Variants in STARD3 observed in about 807,000 individuals in gnomAD.
STARD3 encodes the protein StAR related lipid transfer domain containing 3.
In STARD3, 39 loss-of-function variants were observed where a neutral mutation model predicts 62.0. The observed-to-expected ratio is 0.63, with a 90% confidence interval of 0.49 to 0.82. STARD3 has a LOEUF of 0.82. Among genes scored for constraint, STARD3 ranks in the 40% least tolerant of loss-of-function variants. STARD3 has a pLI of 0.00. For missense variants in STARD3, 543 were observed against 584.5 expected (o/e 0.93, Z 0.73); for synonymous variants, 229 against 242.4 (o/e 0.94, Z 0.51).
chr17:39,649,248 C>G (rs1450635832), intron 1 of STARD3, among the ~76,000 whole-genome samples: 1 of 152,208 alleles, frequency 6.6e-6, no homozygotes, highest in African/African-American at 2.4e-5. Flanking sequence ...CAATACCTCA[C>G]AAAACCACAT....
At chr17:39,648,970 G>C (rs1001285094) in intron 1 of STARD3, among the ~76,000 whole-genome samples, 1 of 152,162 alleles carries the variant, frequency 6.6e-6, no homozygotes, top group African/African-American at 2.4e-5. Flanking sequence ...TGGAGTAGGC[G>C]AGCGACAGCA....
intron 8 of STARD3, 60 bp downstream of exon 8, chr17:39,659,166 T>C (rs887906535): frequency 5.6e-6 from 9 of 1,607,446 alleles, no homozygotes; most frequent in Non-Finnish European, 7.7e-6. Flanking sequence ...GGAGGGCGGG[T>C]GCAGGGGTCA....
chr17:39,645,743 CCACTG>C (rs2057020219), intron 1 of STARD3, among the ~76,000 whole-genome samples: 1 of 149,924 alleles, frequency 6.7e-6, no homozygotes, highest in East Asian at 2.0e-4. Context: ...AAGGGCTGAG[CCACTG>C]CTCCTAGCCC....
Position 39,663,352 on chromosome 17 carries a change from G to C in STARD3, c.*444G>C. On this transcript the variant is annotated 3_prime_UTR_variant, in exon 15 of 15. Coordinates refer to ENST00000336308, the MANE Select transcript of STARD3 (RefSeq NM_006804.4). ...AAGAGTCTGGGACCCTTGTTGGGGA[G>C]TGGGTGGCAGGTGGGGGTGGGCTGC... The C allele has an allele frequency of 3.1e-6, 1 of 317,612 alleles. No individual in the cohort carries two copies. Among genetic ancestry groups the C allele is most frequent in the Non-Finnish European group, 5.7e-6 (1 of 174,528 alleles). The allele number at this position is 317,612 out of a possible 1,614,324, so 19.7% of individuals were successfully genotyped here. A position where few individuals can be genotyped will look rare whatever the true frequency, so the allele number is the denominator to read the frequency against.
intron 2 of STARD3, 95 bp from the exon 3 acceptor site, chr17:39,656,913 C>T (rs2145004545): frequency 8.0e-7 from 1 of 1,244,022 alleles, no homozygotes; most frequent in Non-Finnish European, 1.2e-6. Context: ...CCTCCAGGTT[C>T]CTCCATCCCC....
chr17:39,662,650 T>C (rs2057212992), intron 14 of STARD3, 154 bp from the exon 15 acceptor site: 1 of 726,078 alleles, frequency 1.4e-6, no homozygotes. Context: ...CAGCATGTTC[T>C]TCCTGCCAGG....
intron 2 of STARD3, among the ~76,000 whole-genome samples, chr17:39,655,859 G>A (rs1041931578): frequency 2.0e-5 from 3 of 151,952 alleles, no homozygotes; most frequent in South Asian, 2.1e-4. Context: ...TGGCTCTCCC[G>A]AGTCCTGATC....
chr17:39,652,549 G>C (rs116892289), intron 1 of STARD3: 2 of 152,126 alleles, frequency 1.3e-5, no homozygotes, highest in East Asian at 3.9e-4. Flanking sequence ...GAGGACTTTT[G>C]AGCTGCCTGT....
At chr17:39,649,484 G>A (rs2057056528) in intron 1 of STARD3, among the ~76,000 whole-genome samples, 1 of 152,180 alleles carries the variant, frequency 6.6e-6, no homozygotes, top group South Asian at 2.1e-4. Context: ...CTGACATGGA[G>A]TGCTCACCAG....
At chr17:39,643,795 G>A (rs1435493036) in intron 1 of STARD3, among the ~76,000 whole-genome samples, 1 of 152,228 alleles carries the variant, frequency 6.6e-6, no homozygotes, top group Non-Finnish European at 1.5e-5. Flanking sequence ...GAGCAGGAAA[G>A]TAATCCCAGC....
At chr17:39,653,896 A>C in intron 2 of STARD3, 146 bp downstream of exon 2, 2 of 917,896 alleles carry the variant, frequency 2.2e-6, no homozygotes, top group Non-Finnish European at 3.3e-6. Context: ...AGGGGTTCTC[A>C]TATTCTGAAT....
chr17:39,657,058 C>G lies in STARD3; in HGVS notation c.270C>G (p.Asn90Lys), dbSNP rs774167809. The G allele has an allele frequency of 3.1e-6, 5 of 1,614,088 alleles. No individual in the cohort carries two copies. The African/African-American group carries it at 6.7e-5, about 22-fold the overall frequency. The change falls in exon 3 of 15, where the codon AAC becomes AAG. Residue 90 changes from asparagine (N) to lysine (K), a missense_variant. Asn to Lys is a moderately conservative substitution (Grantham distance 94). Coordinates refer to ENST00000336308, the MANE Select transcript of STARD3 (RefSeq NM_006804.4). The stretch of plus-strand genomic sequence containing the variant: ...TGGAGCAGGAGATCATCCAGTACAA[C>G]TTTAAAACTTCCTTCTTCGACATCT... ...KNLEQEIIQY[N>K]FKTSFFDIFV...
chr17:39,648,639 T>C (rs1567855765), intron 1 of STARD3, among the ~76,000 whole-genome samples: 1 of 152,152 alleles, frequency 6.6e-6, no homozygotes, highest in Non-Finnish European at 1.5e-5. Context: ...CAGGCTGTCA[T>C]TTGGACTTTG....
At chr17:39,658,111 G>T (rs1045857062) in intron 5 of STARD3, 85 bp downstream of exon 5, 9 of 1,444,916 alleles carry the variant, frequency 6.2e-6, no homozygotes, top group African/African-American at 5.6e-5. Flanking sequence ...CTAATTTGGG[G>T]TGTCTGTCCC....
chr17:39,651,302 G>A (rs1477441056), intron 1 of STARD3, among the ~76,000 whole-genome samples: 1 of 152,210 alleles, frequency 6.6e-6, no homozygotes, highest in African/African-American at 2.4e-5. Context: ...ACTGAGCTGC[G>A]CTTGTTTTGG....
chr17:39,662,145 C>G (rs1243879122), intron 13 of STARD3, 106 bp from the exon 14 acceptor site: 11 of 1,006,460 alleles, frequency 1.1e-5, no homozygotes, highest in Admixed American at 4.2e-5. Context: ...TGCTTCCAGC[C>G]CAGTCCCAGC....
At chr17:39,648,201 C>T (rs994646150) in intron 1 of STARD3, among the ~76,000 whole-genome samples, 3 of 152,182 alleles carry the variant, frequency 2.0e-5, no homozygotes, top group Admixed American at 1.3e-4. Context: ...AGGAGAGAAT[C>T]GCTTGAACCC....
At chr17:39,641,239 C>T (rs1255296920) in intron 1 of STARD3, among the ~76,000 whole-genome samples, 1 of 152,088 alleles carries the variant, frequency 6.6e-6, no homozygotes, top group Non-Finnish European at 1.5e-5. Flanking sequence ...AGACATGTAC[C>T]GTGGCCAGGC....
chr17:39,651,986 G>A (rs73294092), intron 1 of STARD3: 7,807 of 152,330 alleles, frequency 0.051, 260 homozygotes, highest in African/African-American at 0.068. Flanking sequence ...GGGAGGGAGT[G>A]CCAGAGTTCC....
Sources: gnomAD v4.1 joint callset for allele counts (sites outside exome capture counted in the v4.1 genomes callset) on GRCh38, gnomAD v4.1.1 for gene constraint, MANE v1.5 for transcripts, NCBI Gene and HGNC (gene_info 2026-07-23, HGNC 2026-07-21) for gene names.